Variants in ALS2CL observed in about 807,000 individuals in gnomAD.
The protein encoded by ALS2CL is ALS2 C-terminal-like protein.
ALS2CL carries 112 observed loss-of-function variants against 127.9 expected under a neutral mutation model. The ratio of observed to expected loss-of-function variants is 0.88; its 90% CI spans 0.75 to 1.02. ALS2CL has a LOEUF of 1.02. Among genes scored for constraint, ALS2CL ranks in the 50% least tolerant of loss-of-function variants. The pLI, the probability that ALS2CL is intolerant of heterozygous loss-of-function variation, is 0.00. For synonymous variants in ALS2CL, 519 were observed against 527.6 expected (o/e 0.98, Z 0.22); for missense variants, 1,174 against 1,236.7 (o/e 0.95, Z 0.76).
intron 7 of ALS2CL, among the ~76,000 whole-genome samples, chr3:46,685,260 C>G (rs1466830140): frequency 6.6e-6 from 1 of 152,172 alleles, no homozygotes; most frequent in Non-Finnish European, 1.5e-5. Flanking sequence ...GATGGGAAAA[C>G]GAAGGTGAAG....
chr3:46,691,406 A>G (rs113171123), intron 1 of ALS2CL, among the ~76,000 whole-genome samples: 2,182 of 152,176 alleles, frequency 0.014, 56 homozygotes, highest in African/African-American at 0.049. Context: ...ACTCGCTGCT[A>G]GGAAGACTTG....
chr3:46,691,765 C>G (rs1200011348), intron 1 of ALS2CL, among the ~76,000 whole-genome samples: 1 of 145,958 alleles, frequency 6.9e-6, no homozygotes, highest in Non-Finnish European at 1.5e-5. Flanking sequence ...ACTATGTTGA[C>G]GAGGCTGGTC....
rs200665779 is a variant in ALS2CL, at chr3:46,689,426, C to T, written c.15G>A (p.Glu5=). Residue 5 remains glutamate, a synonymous_variant, in exon 2 of 26, where the codon GAG becomes GAA. Transcript: ENST00000318962. MCNP[E]EAALLRLEEV... is the part of the protein sequence containing the mutation. ...CCTCCAGCCGCAGCAGAGCTGCCTC[C>T]TCAGGGTTGCACATGGCCAGGTGCC... is the stretch of plus-strand genomic sequence containing the variant. The T allele has an allele frequency of 3.1e-6, 5 of 1,610,442 alleles. No individual in the cohort carries two copies. In the Admixed American group the frequency reaches 6.7e-5, roughly 22 times the overall value.
chr3:46,691,993 A>T (rs1700187238), intron 1 of ALS2CL, among the ~76,000 whole-genome samples: 1 of 152,150 alleles, frequency 6.6e-6, no homozygotes, highest in Non-Finnish European at 1.5e-5. Context: ...TCCGGGGGTG[A>T]GTCCTCCAGA....
At chr3:46,679,971 T>C (rs545710125) in intron 14 of ALS2CL, 2 of 162,944 alleles carry the variant, frequency 1.2e-5, no homozygotes, top group East Asian at 3.4e-4. Flanking sequence ...GAAGGTGACA[T>C]GGAGCAGGTC....
intron 9 of ALS2CL, 26 bp downstream of exon 9, chr3:46,683,756 G>C: frequency 6.2e-7 from 1 of 1,612,604 alleles, no homozygotes; most frequent in Non-Finnish European, 8.5e-7. Flanking sequence ...CCCCGCTCCC[G>C]CAGTTCACAG....
Position 46,670,832 on chromosome 3 carries a change from C to T in ALS2CL, c.*152G>A. 1 of 775,708 alleles carries T rather than the reference C, an allele frequency of 1.3e-6. No individual in the cohort carries two copies. Among genetic ancestry groups the T allele is most frequent in the South Asian group, 1.6e-5 (1 of 61,822 alleles). The allele number at this position is 775,708 out of a possible 1,614,324, so 48.1% of individuals were successfully genotyped here. ...CGTCACCCCTCACCCTCATCCCAGT[C>T]AGGGCAGCAGCAGCATCTTCCTGTG... On this transcript the variant is annotated 3_prime_UTR_variant, in exon 26 of 26. Transcript: ENST00000318962. This position sits in a 1 kb window ranked among gnomAD's most constrained non-coding sequence, Gnocchi z 5.5.
At chr3:46,688,818 C>T (rs1382287570) in intron 2 of ALS2CL, among the ~76,000 whole-genome samples, 3 of 152,230 alleles carry the variant, frequency 2.0e-5, no homozygotes, top group Non-Finnish European at 2.9e-5. Context: ...GATGAAAATT[C>T]AAGCAAAGGG....
intron 17 of ALS2CL, 41 bp from the exon 18 acceptor site, chr3:46,676,779 C>G (rs1448290062): frequency 2.5e-6 from 4 of 1,612,282 alleles, no homozygotes; most frequent in Non-Finnish European, 3.4e-6. Flanking sequence ...CACCTCGGCC[C>G]AGCCCCCTCC....
intron 10 of ALS2CL, 96 bp from the exon 11 acceptor site, chr3:46,682,190 T>C: frequency 2.3e-6 from 3 of 1,326,912 alleles, no homozygotes. Context: ...CCTCTTCCCT[T>C]GGACTGGGCT....
chr3:46,683,436 A>G, intron 9 of ALS2CL, 110 bp from the exon 10 acceptor site: 1 of 1,135,476 alleles, frequency 8.8e-7, no homozygotes, highest in Middle Eastern at 2.8e-4. Flanking sequence ...TCCACCTCCT[A>G]CTCCATTTTG....
chr3:46,676,210 A>T, intron 19 of ALS2CL, 35 bp downstream of exon 19: 1 of 1,599,086 alleles, frequency 6.3e-7, no homozygotes, highest in Non-Finnish European at 8.5e-7. Context: ...CTAGTGTCAC[A>T]GGGCAGTAGC....
chr3:46,689,477 A>G lies in ALS2CL; in HGVS notation c.-25-12T>C, dbSNP rs904210783. ...GGACTCAGGGCCTCCTAGGTAGGGC[A>G]CAGGTTACAGCTAGATAGCACAGAC... On this transcript the variant is annotated splice_polypyrimidine_tract_variant and intron_variant, in intron 1 of 25. Coordinates refer to ENST00000318962, the MANE Select transcript of ALS2CL (RefSeq NM_147129.5). 36 of 1,543,034 alleles carry G rather than the reference A, an allele frequency of 2.3e-5. No individual in the cohort carries two copies. Among genetic ancestry groups the G allele is most frequent in the Non-Finnish European group, 3.1e-5 (35 of 1,137,562 alleles).
chr3:46,680,871 G>GT, intron 13 of ALS2CL: 1 of 528,842 alleles, frequency 1.9e-6, no homozygotes. Flanking sequence ...GGCTGGAGGG[G>GT]TGCCCAGGAG....
At chr3:46,692,131 T>A (rs1575457792) in intron 1 of ALS2CL, among the ~76,000 whole-genome samples, 1 of 151,546 alleles carries the variant, frequency 6.6e-6, no homozygotes, top group Non-Finnish European at 1.5e-5. Flanking sequence ...GGTGAGGCAG[T>A]GGGTTGGGGG....
At chr3:46,682,475 T>C (rs1244295510) in intron 10 of ALS2CL, among the ~76,000 whole-genome samples, 2 of 152,232 alleles carry the variant, frequency 1.3e-5, no homozygotes, top group Non-Finnish European at 2.9e-5. Context: ...CTTTTGTTCA[T>C]AAGTCTTCTC....
At chr3:46,680,619 C>A (rs543015041) in intron 13 of ALS2CL, 78 bp from the exon 14 acceptor site, 4 of 1,343,728 alleles carry the variant, frequency 3.0e-6, no homozygotes, top group South Asian at 1.2e-5. Context: ...TGGCACGGGG[C>A]GGCAGGGAGT....
At chr3:46,682,536 A>C (rs1397283623) in intron 10 of ALS2CL, among the ~76,000 whole-genome samples, 6 of 152,108 alleles carry the variant, frequency 3.9e-5, no homozygotes, top group Non-Finnish European at 8.8e-5. Context: ...GAGGTGCTTG[A>C]GAGTGTAGCC....
rs751792211 is a variant in ALS2CL, at chr3:46,682,023, C to G, written c.1175+6G>C. On this transcript the variant is annotated splice_donor_region_variant and intron_variant, in intron 11 of 25. Coordinates refer to ENST00000318962, the MANE Select transcript of ALS2CL (RefSeq NM_147129.5). ...GCCTCCCAGCAGTAGCCCCAGCCAG[C>G]CTTACCCATGCTCCAGGCCCTGGCA... The G allele has an allele frequency of 6.2e-7, 1 of 1,613,882 alleles. No individual in the cohort carries two copies. The highest frequency in any genetic ancestry group is 1.3e-5 in the African/African-American group (1 of 75,052).
Sources: gnomAD v4.1 joint callset for allele counts (sites outside exome capture counted in the v4.1 genomes callset) on GRCh38, gnomAD v4.1.1 for gene constraint, Gnocchi (gnomAD v3.1) non-coding constraint, MANE v1.5 for transcripts, NCBI Gene and HGNC (gene_info 2026-07-23, HGNC 2026-07-21) for gene names.